The following TMEM108 variants were observed in gnomAD, a reference collection of about 807,000 sequenced individuals.
The protein encoded by TMEM108 is transmembrane protein 108.
Under a neutral mutation model 35.1 loss-of-function variants are expected in TMEM108, and 12 were observed. That is an observed-to-expected ratio of 0.34 (90% confidence interval 0.22 to 0.55). The LOEUF (loss-of-function observed/expected upper bound fraction) is 0.55, where lower values mean the gene tolerates loss of function less well. Ranked by LOEUF, TMEM108 falls within the 20% of genes least tolerant of loss-of-function variation. The pLI, the probability that TMEM108 is intolerant of heterozygous loss-of-function variation, is 0.89. For missense variants in TMEM108, 680 were observed against 753.3 expected (o/e 0.90, Z 1.14); for synonymous variants, 287 against 308.6 (o/e 0.93, Z 0.73).
intron 3 of TMEM108, among the ~76,000 whole-genome samples, chr3:133,294,268 T>C (rs1237987901): frequency 1.3e-5 from 2 of 152,238 alleles, no homozygotes; most frequent in African/African-American, 4.8e-5. Flanking sequence ...TTTGAGCTGA[T>C]AGCAACATGG....
chr3:133,376,341 G>T (rs1235172805), intron 3 of TMEM108, among the ~76,000 whole-genome samples: 1 of 152,148 alleles, frequency 6.6e-6, no homozygotes, highest in East Asian at 1.9e-4. Context: ...CCTGTCCCTG[G>T]GGTCAGCCAA....
At chr3:133,234,438 G>C (rs779458198) in intron 3 of TMEM108, among the ~76,000 whole-genome samples, 1 of 152,134 alleles carries the variant, frequency 6.6e-6, no homozygotes, top group Non-Finnish European at 1.5e-5. Flanking sequence ...ATGCAAGGCT[G>C]TTTCAATATA....
At chr3:133,048,907 T>C (rs908230960) in intron 2 of TMEM108, among the ~76,000 whole-genome samples, 1 of 152,206 alleles carries the variant, frequency 6.6e-6, no homozygotes, top group African/African-American at 2.4e-5. Flanking sequence ...GTTCTAGTAC[T>C]ACTCAAAGTG....
chr3:133,356,486 T>C (rs750064370), intron 3 of TMEM108, among the ~76,000 whole-genome samples: 1 of 152,160 alleles, frequency 6.6e-6, no homozygotes, highest in African/African-American at 2.4e-5. Flanking sequence ...AAAATTCATA[T>C]GGAACCAAAA....
intron 3 of TMEM108, among the ~76,000 whole-genome samples, chr3:133,264,616 C>CAA (rs1251301700): frequency 6.6e-6 from 1 of 151,542 alleles, no homozygotes; most frequent in South Asian, 2.1e-4. Flanking sequence ...TCATCACACA[C>CAA]AAAAAAAAGT....
At chr3:133,350,451 A>G (rs2071958519) in intron 3 of TMEM108, among the ~76,000 whole-genome samples, 1 of 152,178 alleles carries the variant, frequency 6.6e-6, no homozygotes, top group African/African-American at 2.4e-5. Context: ...TCACCACAAA[A>G]AAAAAGATGA....
At chr3:133,332,597 A>G (rs2071409572) in intron 3 of TMEM108, among the ~76,000 whole-genome samples, 1 of 152,188 alleles carries the variant, frequency 6.6e-6, no homozygotes, top group Non-Finnish European at 1.5e-5. Flanking sequence ...TGCTGTGGTA[A>G]TTAGCCTTAT....
intron 3 of TMEM108, among the ~76,000 whole-genome samples, chr3:133,351,447 A>C (rs2071994988): frequency 6.6e-6 from 1 of 152,058 alleles, no homozygotes. Context: ...GGTTTTAAAA[A>C]GTTGAGGCCA....
intron 2 of TMEM108, among the ~76,000 whole-genome samples, chr3:133,146,081 A>T (rs1944715441): frequency 6.6e-6 from 1 of 152,212 alleles, no homozygotes; most frequent in Non-Finnish European, 1.5e-5. Context: ...TGGCCCATTC[A>T]GTATGATACT....
chr3:133,169,209 T>C (rs905848585), intron 2 of TMEM108, among the ~76,000 whole-genome samples: 1 of 152,212 alleles, frequency 6.6e-6, no homozygotes, highest in Non-Finnish European at 1.5e-5. Flanking sequence ...CACTGTTACA[T>C]TGGGGATTAA....
At chr3:133,296,885 T>A in intron 3 of TMEM108, among the ~76,000 whole-genome samples, 1 of 152,154 alleles carries the variant, frequency 6.6e-6, no homozygotes, top group African/African-American at 2.4e-5. Context: ...GAAGGAAGAA[T>A]AGAGGGTACT....
At chr3:133,144,185 G>C (rs556386270) in intron 2 of TMEM108, among the ~76,000 whole-genome samples, 6 of 151,738 alleles carry the variant, frequency 4.0e-5, no homozygotes, top group African/African-American at 1.5e-4. Context: ...ATGTGTTCTC[G>C]CTATTCAACT....
intron 3 of TMEM108, among the ~76,000 whole-genome samples, chr3:133,373,371 T>C (rs201099818): frequency 7.4e-6 from 1 of 135,156 alleles, no homozygotes; most frequent in African/African-American, 3.0e-5. Flanking sequence ...AAAAAGAAAT[T>C]TAGATAGATA....
intron 4 of TMEM108, among the ~76,000 whole-genome samples, chr3:133,383,689 G>A (rs2073072487): frequency 6.6e-6 from 1 of 152,224 alleles, no homozygotes; most frequent in African/African-American, 2.4e-5. Flanking sequence ...CAAGACAGGA[G>A]GAAGGACACA....
At position 133,295,000 on chromosome 3, in the gene TMEM108, A is replaced by C. The variant is rs1947123105; in HGVS notation, c.40+65649A>C. 3.3e-5 allele frequency among the ~76,000 whole-genome samples: 5 copies of C among 152,216 alleles called. No individual in the cohort carries two copies. In the South Asian group the frequency reaches 1.0e-3, roughly 32 times the overall value. Reference sequence around the variant, plus strand: ...TACTTGGGGTTTATCTATCAAGTAAACGGAAGTCTTTCACCACTGATTTAT... The same window carrying C: ...TACTTGGGGTTTATCTATCAAGTAACCGGAAGTCTTTCACCACTGATTTAT... On this transcript the variant is annotated intron_variant, in intron 3 of 5. Coordinates refer to ENST00000321871, the MANE Select transcript of TMEM108 (RefSeq NM_023943.4).
intron 3 of TMEM108, among the ~76,000 whole-genome samples, chr3:133,285,805 G>T (rs1248701810): frequency 2.0e-5 from 3 of 152,148 alleles, no homozygotes; most frequent in Non-Finnish European, 4.4e-5. Flanking sequence ...AGCTGCTTCA[G>T]CCCCCATCAC....
chr3:133,267,442 A>G (rs1208119890), intron 3 of TMEM108, among the ~76,000 whole-genome samples: 1 of 152,230 alleles, frequency 6.6e-6, no homozygotes, highest in African/African-American at 2.4e-5. Flanking sequence ...CAAAGGATGA[A>G]CAGGAGTTAT....
chr3:133,377,287 G>A (rs1006573934), intron 3 of TMEM108, among the ~76,000 whole-genome samples: 4 of 152,170 alleles, frequency 2.6e-5, no homozygotes, highest in African/African-American at 7.2e-5. Context: ...CACTTGAAAG[G>A]GAATGTCCAT....
In TMEM108 at chr3:133,288,503, T is replaced by G. The variant is rs150560358; in HGVS notation, c.40+59152T>G. On this transcript the variant is annotated intron_variant, in intron 3 of 5. Transcript: ENST00000321871. ...ATAGAAGTTCCTTGTGGAGAGAATG[T>G]TTGCTCAAATACGCTAGTGGTACGT... 4.2e-3 allele frequency among the ~76,000 whole-genome samples: 646 copies of G among 152,288 alleles called. 2 individuals are homozygous for G. The highest frequency in any genetic ancestry group is 0.014 in the African/African-American group (600 of 41,548).
Sources: gnomAD v4.1 joint callset for allele counts (sites outside exome capture counted in the v4.1 genomes callset) on GRCh38, gnomAD v4.1.1 for gene constraint, MANE v1.5 for transcripts, NCBI Gene and HGNC (gene_info 2026-07-23, HGNC 2026-07-21) for gene names.